SH3KBP1: variants seen among roughly 807,000 people sequenced by gnomAD.
The protein encoded by SH3KBP1 is SH3 domain containing kinase binding protein 1.
A neutral mutation model predicts 50.1 loss-of-function variants in SH3KBP1; 8 were observed. That is an observed-to-expected ratio of 0.16 (90% CI 0.09 to 0.29). The LOEUF (loss-of-function observed/expected upper bound fraction) is 0.29. Ranked by LOEUF, SH3KBP1 falls within the 10% of genes least tolerant of loss-of-function variation. SH3KBP1 has a pLI of 1.00. For synonymous variants in SH3KBP1, 227 were observed against 218.6 expected (o/e 1.04, Z -0.34); for missense variants, 377 against 535.2 (o/e 0.70, Z 2.92).
intron 6 of SH3KBP1, among the ~76,000 whole-genome samples, chrX:19,671,395 CAT>C (rs1229085742): frequency 1.8e-5 from 2 of 109,202 alleles, no homozygotes; most frequent in South Asian, 3.8e-4. Context: ...CACACACACA[CAT>C]ACACACACAC....
intron 2 of SH3KBP1, among the ~76,000 whole-genome samples, chrX:19,828,013 C>T (rs965578406): frequency 2.4e-4 from 26 of 110,028 alleles, no homozygotes; most frequent in Non-Finnish European, 4.0e-4. Flanking sequence ...CACTCCCCCC[C>T]ATCCCCCGCC....
chrX:19,676,417 G>T lies in SH3KBP1; in HGVS notation c.726+7406C>A, dbSNP rs145133487. On this transcript the variant is annotated intron_variant, in intron 6 of 17. Transcript: ENST00000397821. Reference sequence around the variant, plus strand: ...CATAAAAAATAGAAAGAATGAATAAGACCTACTGTTTGGTAGCACAACAGG... The same window carrying T: ...CATAAAAAATAGAAAGAATGAATAATACCTACTGTTTGGTAGCACAACAGG... Among the ~76,000 whole-genome samples the T allele has an allele frequency of 5.6e-3, 623 of 111,528 alleles. 4 individuals carry two copies. The highest frequency in any genetic ancestry group is 8.0e-3 in the Admixed American group (84 of 10,485).
intron 8 of SH3KBP1, among the ~76,000 whole-genome samples, chrX:19,617,636 A>T (rs1052709521): frequency 1.8e-5 from 2 of 112,647 alleles, no homozygotes; most frequent in Non-Finnish European, 3.8e-5. Context: ...TTTATACAGA[A>T]GGATAAATAC....
At chrX:19,880,740 G>A (rs910867032) in intron 1 of SH3KBP1, among the ~76,000 whole-genome samples, 5 of 111,178 alleles carry the variant, frequency 4.5e-5, no homozygotes, top group Non-Finnish European at 9.4e-5. Flanking sequence ...CTGAGAAGGG[G>A]AGGGGATCCT....
At chrX:19,741,694 T>C (rs1396107109) in intron 3 of SH3KBP1, among the ~76,000 whole-genome samples, 1 of 111,897 alleles carries the variant, frequency 8.9e-6, no homozygotes, top group Admixed American at 9.4e-5. Flanking sequence ...CAAAATGATA[T>C]AAGAAACGTG....
intron 15 of SH3KBP1, among the ~76,000 whole-genome samples, chrX:19,543,869 G>C (rs1464472665): frequency 9.0e-6 from 1 of 111,389 alleles, no homozygotes; most frequent in Non-Finnish European, 1.9e-5. Flanking sequence ...AGGCCCCTGG[G>C]GGAGAAGGCA....
At chrX:19,871,865 C>T (rs1011297813) in intron 1 of SH3KBP1, among the ~76,000 whole-genome samples, 1 of 111,186 alleles carries the variant, frequency 9.0e-6, no homozygotes, top group Non-Finnish European at 1.9e-5. Context: ...CCTATCTCAG[C>T]CAAACATGAA....
At chrX:19,555,270 A>G (rs1016630599) in intron 13 of SH3KBP1, among the ~76,000 whole-genome samples, 4 of 112,288 alleles carry the variant, frequency 3.6e-5, no homozygotes, top group African/African-American at 1.3e-4. Flanking sequence ...ATACGGGGAT[A>G]ATTCATGTTG....
chrX:19,838,059 A>AAAC (rs60326622), intron 1 of SH3KBP1, among the ~76,000 whole-genome samples: 3,829 of 100,676 alleles, frequency 0.038, 113 homozygotes, highest in African/African-American at 0.12. Flanking sequence ...CAAATGAGTA[A>AAAC]AACAACAACA....
chrX:19,674,278 A>G (rs2062873555), intron 6 of SH3KBP1, among the ~76,000 whole-genome samples: 2 of 110,330 alleles, frequency 1.8e-5, no homozygotes, highest in South Asian at 7.6e-4. Flanking sequence ...CTGTCAGGTT[A>G]AAAAAAAACC....
At position 19,750,661 on chromosome X, in the gene SH3KBP1, A is replaced by C. The variant is rs748178872; in HGVS notation, c.163-4220T>G. Among the ~76,000 whole-genome samples, 7 of 111,841 alleles carry C rather than the reference A, an allele frequency of 6.3e-5. No homozygotes were observed. In the East Asian group the frequency reaches 2.0e-3, roughly 32 times the overall value. Reference sequence around the variant, plus strand: ...AGTTGGGGGATGGTGCACTGCTTGGACAACACCTTATGTTCACAGAATCCT... The same window carrying C: ...AGTTGGGGGATGGTGCACTGCTTGGCCAACACCTTATGTTCACAGAATCCT... On this transcript the variant is annotated intron_variant, in intron 2 of 17. Transcript: ENST00000397821.
At chrX:19,613,159 A>C (rs1057479653) in intron 8 of SH3KBP1, among the ~76,000 whole-genome samples, 17 of 112,232 alleles carry the variant, frequency 1.5e-4, no homozygotes, top group African/African-American at 3.9e-4. Flanking sequence ...AAGTTGAGTG[A>C]AGGCAGGATG....
At chrX:19,592,614 A>C (rs2066783727) in intron 10 of SH3KBP1, among the ~76,000 whole-genome samples, 1 of 112,051 alleles carries the variant, frequency 8.9e-6, no homozygotes, top group African/African-American at 3.2e-5. Flanking sequence ...CCTCCCAGTA[A>C]GAGGTGAGGT....
chrX:19,588,301 G>T, intron 12 of SH3KBP1: 1 of 1,049,649 alleles, frequency 9.5e-7, no homozygotes, highest in South Asian at 2.8e-5. Context: ...GGGACAAAGA[G>T]GGACACGCCA....
At chrX:19,782,114 G>A (rs1007589042) in intron 2 of SH3KBP1, among the ~76,000 whole-genome samples, 1 of 111,544 alleles carries the variant, frequency 9.0e-6, no homozygotes, top group Non-Finnish European at 1.9e-5. Flanking sequence ...GAGATGAAGA[G>A]ATCATTCTGG....
At chrX:19,645,588 T>A (rs41303173) in intron 6 of SH3KBP1, 113 bp from the exon 7 acceptor site, 71 of 579,302 alleles carry the variant, frequency 1.2e-4, no homozygotes, top group Non-Finnish European at 1.9e-4. Context: ...AAAAGCCACA[T>A]TCTTTGGTTT....
At chrX:19,754,658 C>T (rs141322314) in intron 2 of SH3KBP1, among the ~76,000 whole-genome samples, 7 of 111,056 alleles carry the variant, frequency 6.3e-5, no homozygotes, top group African/African-American at 2.3e-4. Context: ...TAGTAAAGAC[C>T]CAGTTTCACC....
At chrX:19,823,039 A>G (rs1424770995) in intron 2 of SH3KBP1, among the ~76,000 whole-genome samples, 1 of 111,717 alleles carries the variant, frequency 9.0e-6, no homozygotes, top group African/African-American at 3.3e-5. Context: ...CAATGCAGGC[A>G]GGGAATATTC....
At chrX:19,885,529 T>C (rs2060578393) in intron 1 of SH3KBP1, among the ~76,000 whole-genome samples, 1 of 112,014 alleles carries the variant, frequency 8.9e-6, no homozygotes, top group African/African-American at 3.2e-5. Flanking sequence ...TAGGAAGTTC[T>C]GAAGAATGAA....
Sources: gnomAD v4.1 joint callset for allele counts (sites outside exome capture counted in the v4.1 genomes callset) on GRCh38, gnomAD v4.1.1 for gene constraint, MANE v1.5 for transcripts, NCBI Gene and HGNC (gene_info 2026-07-23, HGNC 2026-07-21) for gene names.